The following LIPE variants were observed in gnomAD, a reference collection of about 807,000 sequenced individuals.
LIPE encodes hormone-sensitive lipase.
In LIPE, 66 loss-of-function variants were observed where a neutral mutation model predicts 88.5. That is an observed-to-expected ratio of 0.75 (90% confidence interval 0.61 to 0.91). The LOEUF (loss-of-function observed/expected upper bound fraction) is 0.91. Ranked by LOEUF, LIPE falls within the 40% of genes least tolerant of loss-of-function variation. The pLI, the probability that LIPE is intolerant of heterozygous loss-of-function variation, is 0.00. For missense variants in LIPE, 1,346 were observed against 1,434.7 expected (o/e 0.94, Z 1.00); for synonymous variants, 570 against 617.5 (o/e 0.92, Z 1.14).
chr19:42,424,584 C>A (rs1300986540), intron 1 of LIPE: 5 of 456,220 alleles, frequency 1.1e-5, no homozygotes, highest in Non-Finnish European at 1.8e-5. Context: ...GCAGCCCCGG[C>A]GCTGAGAAAC....
At position 42,404,458 on chromosome 19, in the gene LIPE, T is replaced by G. The variant is rs548406507; in HGVS notation, c.2542+927A>C. On this transcript the variant is annotated intron_variant, in intron 8 of 9. Coordinates refer to ENST00000244289, the MANE Select transcript of LIPE (RefSeq NM_005357.4). ...GTTGGTCAGGCTGGTCTCAAACTCC[T>G]GACCTCGTGATCTGCCCGCCTCGGC... 9.2e-5 allele frequency among the ~76,000 whole-genome samples: 14 copies of G among 152,282 alleles called. No individual in the cohort carries two copies. The East Asian group carries it at 2.7e-3, about 29-fold the overall frequency.
chr19:42,425,787 G>T (rs1206947760), intron 1 of LIPE, among the ~76,000 whole-genome samples: 1 of 152,084 alleles, frequency 6.6e-6, no homozygotes, highest in Non-Finnish European at 1.5e-5. Context: ...CCCAGCCTGG[G>T]CGACAGAGTG....
Position 42,410,654 on chromosome 19 carries a change from C to T in LIPE, c.1072G>A (p.Val358Met). 1 of 1,612,726 alleles carries T rather than the reference C, an allele frequency of 6.2e-7. No individual in the cohort carries two copies. Among genetic ancestry groups the T allele is most frequent in the Non-Finnish European group, 8.5e-7 (1 of 1,179,160 alleles). ...GGGTCCAGGTCAAAGAGGTGCGCCACACCCAGCAGGCGGCCCAGGGCCGGC... is the reference window on the plus strand; with the variant it reads ...GGGTCCAGGTCAAAGAGGTGCGCCATACCCAGCAGGCGGCCCAGGGCCGGC... ...LEPALGRLLG[V>M]AHLFDLDPET... Residue 358 changes from valine to methionine, a missense_variant, in exon 2 of 10, where the codon GTG becomes ATG. Transcript: ENST00000244289. This position sits in a 1 kb window ranked among gnomAD's most constrained non-coding sequence, Gnocchi z 6.1.
chr19:42,411,250 T>C, intron 1 of LIPE: 1 of 952,636 alleles, frequency 1.0e-6, no homozygotes, highest in South Asian at 4.8e-5. Context: ...ACGACTCTGC[T>C]TCCCTAACTC....
In LIPE at chr19:42,427,181, C is replaced by T. The variant is rs533331080; in HGVS notation, c.-32G>A. 1.4e-5 allele frequency: 21 copies of T among 1,551,910 alleles called. No homozygotes were observed. The highest frequency in any genetic ancestry group is 1.7e-5 in the Non-Finnish European group (20 of 1,154,204). ...TTCCCTCACGGGAGATATTGATCTTCCAGGTTCTATCCTTCTGGGCTCCCA... is the reference window on the plus strand; with the variant it reads ...TTCCCTCACGGGAGATATTGATCTTTCAGGTTCTATCCTTCTGGGCTCCCA... On this transcript the variant is annotated 5_prime_UTR_variant, in exon 1 of 10. Transcript: ENST00000244289.
intron 1 of LIPE, chr19:42,424,368 C>T: frequency 2.2e-6 from 1 of 456,672 alleles, no homozygotes; most frequent in Non-Finnish European, 4.4e-6. Context: ...GCTTCTGGAC[C>T]GCCTTGCTCA....
Position 42,402,685 on chromosome 19 carries a change from G to A in LIPE, c.2889C>T (p.Pro963=), listed in dbSNP as rs2040021927. The A allele has an allele frequency of 6.6e-7, 1 of 1,515,130 alleles. No homozygotes were observed. Among genetic ancestry groups the A allele is most frequent in the Non-Finnish European group, 8.9e-7 (1 of 1,129,382 alleles). 93.9% of individuals were successfully genotyped at this position (1,515,130 alleles called of 1,614,324 possible). A position where few individuals can be genotyped will look rare whatever the true frequency, so the allele number is the denominator to read the frequency against. The part of the protein sequence containing the change: ...GATQMPLYSS[P]IVKNPFMSPL... Reference sequence around the variant, plus strand: ...GCGACATGAAGGGGTTCTTGACTATGGGTGAGGAGTAGAGGGGCATCTGTG... The same window carrying A: ...GCGACATGAAGGGGTTCTTGACTATAGGTGAGGAGTAGAGGGGCATCTGTG... The change falls in exon 9 of 10, where the codon CCC becomes CCT. Residue 963 remains proline, a synonymous_variant. Coordinates refer to ENST00000244289, the MANE Select transcript of LIPE (RefSeq NM_005357.4).
chr19:42,423,644 G>C, intron 1 of LIPE: 1 of 1,168,072 alleles, frequency 8.6e-7, no homozygotes, highest in Non-Finnish European at 1.1e-6. Flanking sequence ...ACCCAATCCC[G>C]AGCTTGCTCT....
rs1600152557 is a variant in LIPE, at chr19:42,426,382, C to T, written c.768G>A (p.Gln256=). 2 of 1,614,074 alleles carry T rather than the reference C, an allele frequency of 1.2e-6. No individual in the cohort carries two copies. Among genetic ancestry groups the T allele is most frequent in the Non-Finnish European group, 1.7e-6 (2 of 1,179,998 alleles). ...TTCCTTTGAAGCCTAGCTTCACTCC[C>T]TGGGCCACCATTCCACCCATCGTGG... is the stretch of plus-strand genomic sequence containing the variant. ...SPATMGGMVA[Q]GVKLGFKGKS... is the part of the protein sequence containing the mutation. Residue 256 remains glutamine, a synonymous_variant, in exon 1 of 10, where the codon CAG becomes CAA. Coordinates refer to ENST00000244289, the MANE Select transcript of LIPE (RefSeq NM_005357.4).
At chr19:42,402,130 G>A (rs2039997179) in intron 9 of LIPE, 55 bp from the exon 10 acceptor site, 1 of 1,408,220 alleles carries the variant, frequency 7.1e-7, no homozygotes, top group Non-Finnish European at 9.3e-7. Context: ...ACAGACCGGG[G>A]TCGGGTAGAG....
At position 42,408,444 on chromosome 19, in the gene LIPE, C is replaced by G; in HGVS notation, c.1420-122G>C. On this transcript the variant is annotated intron_variant, in intron 2 of 9. Coordinates refer to ENST00000244289, the MANE Select transcript of LIPE (RefSeq NM_005357.4). The surrounding 1 kb of genome is among the most constrained non-coding windows in gnomAD (Gnocchi z 4.3). ...TCAGTAAACGTTTCATGAGCTCCTA[C>G]TGTGTGCTGGGCATAGCTCTCGGCT... The G allele has an allele frequency of 1.3e-6, 1 of 787,752 alleles. No homozygotes were observed. Among genetic ancestry groups the G allele is most frequent in the Non-Finnish European group, 2.2e-6 (1 of 457,498 alleles). The allele number at this position is 787,752 out of a possible 1,614,324, so 48.8% of individuals were successfully genotyped here. A position where few individuals can be genotyped will look rare whatever the true frequency, so the allele number is the denominator to read the frequency against.
At chr19:42,405,253 C>T (rs1221992280) in intron 8 of LIPE, 132 bp downstream of exon 8, 7 of 888,038 alleles carry the variant, frequency 7.9e-6, no homozygotes, top group African/African-American at 3.4e-5. Flanking sequence ...GATCTGCCCA[C>T]CTCAGCCTCC....
intron 1 of LIPE, among the ~76,000 whole-genome samples, chr19:42,422,221 T>A (rs1219914825): frequency 1.3e-5 from 2 of 152,184 alleles, no homozygotes; most frequent in Non-Finnish European, 2.9e-5. Context: ...ACGCTCTACA[T>A]TCATTCTAAC....
intron 1 of LIPE, among the ~76,000 whole-genome samples, chr19:42,411,825 C>T (rs899445027): frequency 6.6e-6 from 1 of 152,222 alleles, no homozygotes. Flanking sequence ...TGAGCATATC[C>T]GTGCAGGTCC....
Position 42,401,933 on chromosome 19 carries a change from C to T in LIPE, c.3110G>A (p.Arg1037His). 5 of 1,555,320 alleles carry T rather than the reference C, an allele frequency of 3.2e-6. No individual in the cohort carries two copies. Among genetic ancestry groups the T allele is most frequent in the Non-Finnish European group, 4.3e-6 (5 of 1,155,060 alleles). Residue 1037 changes from arginine to histidine, a missense_variant, in exon 10 of 10, where the codon CGC becomes CAC. Arg to His is a conservative substitution (Grantham distance 29). Transcript: ENST00000244289. ...CTCCACGCACAGCTCTGCGGCCTGG[C>T]GCGTCTCGCGGCACAGCGCCGCTAG... The part of the protein sequence containing the change: ...LTLAALCRET[R>H]QAAELCVERI...
intron 1 of LIPE, chr19:42,424,938 C>T (rs937050312): frequency 6.5e-6 from 2 of 307,716 alleles, no homozygotes; most frequent in South Asian, 2.8e-5. Context: ...GCCTTGGGCC[C>T]GTTATCCTCT....
At position 42,410,536 on chromosome 19, in the gene LIPE, T is replaced by C. The variant is rs143576253; in HGVS notation, c.1190A>G (p.Asn397Ser). ...LLHKSRYVASNRRSIFFRTSH... is the reference protein window; with the variant it reads ...LLHKSRYVASSRRSIFFRTSH... ...GGTGCGGAAGAAGATGCTGCGGCGG[T>C]TGGAGGCCACATAGCGGGATTTGTG... Residue 397 changes from asparagine to serine, a missense_variant, in exon 2 of 10, where the codon AAC becomes AGC. Physicochemically the swap from Asn to Ser is conservative, Grantham distance 46 (BLOSUM62 1). Coordinates refer to ENST00000244289, the MANE Select transcript of LIPE (RefSeq NM_005357.4). This position sits in a 1 kb window ranked among gnomAD's most constrained non-coding sequence, Gnocchi z 6.1. The C allele has an allele frequency of 1.4e-5, 23 of 1,612,158 alleles. No homozygotes were observed. The African/African-American group carries it at 2.1e-4, about 15-fold the overall frequency.
chr19:42,413,900 G>A (rs559316636), intron 1 of LIPE, among the ~76,000 whole-genome samples: 3 of 152,338 alleles, frequency 2.0e-5, no homozygotes, highest in Non-Finnish European at 4.4e-5. Context: ...GTTAGCTCAG[G>A]AGAGGACGGC....
intron 8 of LIPE, 120 bp from the exon 9 acceptor site, chr19:42,403,151 G>C: frequency 9.8e-7 from 1 of 1,024,098 alleles, no homozygotes; most frequent in African/African-American, 1.6e-5. Flanking sequence ...TGTTTCCCCA[G>C]ACTCTTGCCT....
Sources: gnomAD v4.1 joint callset for allele counts (sites outside exome capture counted in the v4.1 genomes callset) on GRCh38, gnomAD v4.1.1 for gene constraint, Gnocchi (gnomAD v3.1) non-coding constraint, MANE v1.5 for transcripts, NCBI Gene and HGNC (gene_info 2026-07-23, HGNC 2026-07-21) for gene names.